The following TRDMT1 variants were observed in gnomAD, a reference collection of about 807,000 sequenced individuals.
The protein encoded by TRDMT1 is tRNA (cytosine(38)-C(5))-methyltransferase.
Under a neutral mutation model 51.2 loss-of-function variants are expected in TRDMT1, and 49 were observed. The ratio of observed to expected loss-of-function variants is 0.96; its 90% confidence interval spans 0.76 to 1.21. TRDMT1 has a LOEUF of 1.21. Ranked by LOEUF, TRDMT1 falls within the 50% of genes most tolerant of loss-of-function variation. TRDMT1 has a pLI of 0.00. For synonymous variants in TRDMT1, 187 were observed against 164.6 expected, an observed-to-expected ratio of 1.14 and a Z score of -1.04; for missense variants, 534 against 462.3, an observed-to-expected ratio of 1.16 and a Z score of -1.42.
intron 1 of TRDMT1, among the ~76,000 whole-genome samples, chr10:17,186,088 T>TAAATAAAG (rs568084756): frequency 6.7e-6 from 1 of 148,822 alleles, no homozygotes; most frequent in Admixed American, 6.7e-5. Context: ...AATAAATAAA[T>TAAATAAAG]ATGGTCAATG....
chr10:17,173,999 G>A (rs1364088858), intron 2 of TRDMT1, among the ~76,000 whole-genome samples: 4 of 152,030 alleles, frequency 2.6e-5, no homozygotes, highest in Admixed American at 1.3e-4. Flanking sequence ...TCATAACTTC[G>A]TGATCCACCT....
rs924719991 is a variant in TRDMT1, at chr10:17,159,678, C to T, written c.460-449G>A. Among the ~76,000 whole-genome samples the T allele has an allele frequency of 2.0e-5, 3 of 152,002 alleles. No homozygotes were observed. The East Asian group carries it at 5.8e-4, about 29-fold the overall frequency. On this transcript the variant is annotated intron_variant, in intron 6 of 10. Transcript: ENST00000377799. ...AATTTTAAGAGATCAAATATGTTGC[C>T]AATTTCCACAGCTTGTATCTTGAAT... is the stretch of plus-strand genomic sequence containing the variant.
intron 1 of TRDMT1, among the ~76,000 whole-genome samples, chr10:17,181,024 G>A (rs1011533529): frequency 1.3e-5 from 2 of 152,084 alleles, no homozygotes; most frequent in Non-Finnish European, 2.9e-5. Context: ...AAAATTATTT[G>A]CATATCCCAA....
intron 1 of TRDMT1, among the ~76,000 whole-genome samples, chr10:17,178,940 G>A (rs1481599480): frequency 3.3e-5 from 5 of 151,902 alleles, no homozygotes; most frequent in South Asian, 4.1e-4. Context: ...AAATTATCAC[G>A]TCCTTGACAC....
At chr10:17,178,850 GATT>G (rs1309992375) in intron 1 of TRDMT1, among the ~76,000 whole-genome samples, 1 of 152,112 alleles carries the variant, frequency 6.6e-6, no homozygotes, top group Non-Finnish European at 1.5e-5. Context: ...ACATACCTTA[GATT>G]ATTATTGTTA....
intron 10 of TRDMT1, chr10:17,150,996 T>TGTGTGTGTGC: frequency 1.0e-6 from 1 of 984,646 alleles, no homozygotes; most frequent in Non-Finnish European, 1.2e-6. Context: ...ATTATATCTA[T>TGTGTGTGTGC]GTGTGTGTGC....
chr10:17,150,920 T>C, intron 10 of TRDMT1: 1 of 985,368 alleles, frequency 1.0e-6, no homozygotes, highest in African/African-American at 1.7e-5. Context: ...AGATGATCTT[T>C]TGCAATATTA....
intron 1 of TRDMT1, among the ~76,000 whole-genome samples, chr10:17,180,346 G>C (rs999214417): frequency 1.3e-5 from 2 of 152,112 alleles, no homozygotes; most frequent in South Asian, 4.1e-4. Context: ...TTTGAGACCA[G>C]CCTGGCCAAC....
rs1837512393 is a variant in TRDMT1 at position 17,139,176 on chromosome 10, C to T, written c.*9864G>A. 2 of 985,342 alleles carry T rather than the reference C, an allele frequency of 2.0e-6. No individual in the cohort carries two copies. Among genetic ancestry groups the T allele is most frequent in the Non-Finnish European group, 2.4e-6 (2 of 829,908 alleles). The allele number at this position is 985,342 out of a possible 1,614,324, so 61.0% of individuals were successfully genotyped here. On this transcript the variant is annotated 3_prime_UTR_variant, in exon 11 of 11. Coordinates refer to ENST00000377799, the MANE Select transcript of TRDMT1 (RefSeq NM_004412.7). Reference sequence around the variant, plus strand: ...AAGCGGAGTTTACCATAGGTGAACCCTCCTGCCATCCTGTTCCAAATCAAC... The same window carrying T: ...AAGCGGAGTTTACCATAGGTGAACCTTCCTGCCATCCTGTTCCAAATCAAC...
chr10:17,162,123 T>C, intron 4 of TRDMT1, 43 bp downstream of exon 4: 1 of 1,529,404 alleles, frequency 6.5e-7, no homozygotes. Flanking sequence ...AGACCTGGAG[T>C]TTCAAATGAA....
Position 17,154,673 on chromosome 10 carries a change from GT to G in TRDMT1, c.945+3del. 1.9e-6 allele frequency: 3 copies of G among 1,592,248 alleles called. No homozygotes were observed. Among genetic ancestry groups the G allele is most frequent in the Non-Finnish European group, 2.6e-6 (3 of 1,171,052 alleles). ...GTGTTTTAGCTTTAAAACATGCATA[GT>G]ACCTGCACATCCTCTGCAGTCTGTA... is the stretch of plus-strand genomic sequence containing the variant. On this transcript the variant is annotated splice_donor_region_variant and intron_variant, in intron 9 of 10. Coordinates refer to ENST00000377799, the MANE Select transcript of TRDMT1 (RefSeq NM_004412.7).
At chr10:17,157,904 A>G (rs1053667055) in intron 7 of TRDMT1, 120 bp from the exon 8 acceptor site, 12 of 731,742 alleles carry the variant, frequency 1.6e-5, no homozygotes, top group Non-Finnish European at 2.6e-5. Flanking sequence ...TGCCATTAAA[A>G]GATAGAAATT....
At chr10:17,158,060 C>G (rs1368629527) in intron 7 of TRDMT1, among the ~76,000 whole-genome samples, 1 of 151,914 alleles carries the variant, frequency 6.6e-6, no homozygotes, top group Non-Finnish European at 1.5e-5. Context: ...AAAGTATATA[C>G]TGAATATAGA....
intron 1 of TRDMT1, among the ~76,000 whole-genome samples, chr10:17,177,713 A>AACACAC (rs372220525): frequency 0.056 from 8,277 of 147,046 alleles, 269 homozygotes; most frequent in Middle Eastern, 0.08. Flanking sequence ...ATAGACAAGA[A>AACACAC]ACACACACAC....
intron 10 of TRDMT1, chr10:17,151,996 A>G: frequency 7.7e-7 from 1 of 1,296,012 alleles, no homozygotes; most frequent in South Asian, 1.2e-5. Flanking sequence ...CAAAGTGACT[A>G]CTGCCCTTTG....
In TRDMT1 at chr10:17,148,145, CAG is replaced by C. The variant is rs1271057896; in HGVS notation, c.*893_*894del. On this transcript the variant is annotated 3_prime_UTR_variant, in exon 11 of 11. Coordinates refer to ENST00000377799, the MANE Select transcript of TRDMT1 (RefSeq NM_004412.7). ...CAAGAGGTCTGCTGAGGAAGAGAGACAGAGAAAGTTAAAAGTCATAAAAGTTC... is the reference window on the plus strand; with the variant it reads ...CAAGAGGTCTGCTGAGGAAGAGAGACAGAAAGTTAAAAGTCATAAAAGTTC... 1.0e-6 allele frequency: 1 copy of C among 985,098 alleles called. No individual in the cohort carries two copies. The highest frequency in any genetic ancestry group is 1.2e-6 in the Non-Finnish European group (1 of 829,924). 61.0% of individuals were successfully genotyped at this position (985,098 alleles called of 1,614,324 possible).
In TRDMT1 at chr10:17,172,571, C is replaced by A. The variant is rs1842164325; in HGVS notation, c.174+1980G>T. Among the ~76,000 whole-genome samples the A allele has an allele frequency of 2.0e-5, 3 of 152,032 alleles. No individual in the cohort carries two copies. The South Asian group carries it at 6.2e-4, about 32-fold the overall frequency. ...AAAACACTTTTTTACTCAAAAGCAC[C>A]AAGGTAATTTGTCCCTTTCCACATA... On this transcript the variant is annotated intron_variant, in intron 2 of 10. Coordinates refer to ENST00000377799, the MANE Select transcript of TRDMT1 (RefSeq NM_004412.7).
chr10:17,163,442 T>C (rs1030520730), intron 3 of TRDMT1, among the ~76,000 whole-genome samples: 8 of 152,092 alleles, frequency 5.3e-5, no homozygotes, highest in Non-Finnish European at 1.2e-4. Context: ...ATTTACACCC[T>C]AACATCACAA....
chr10:17,182,135 TC>T (rs750391412), intron 1 of TRDMT1, among the ~76,000 whole-genome samples: 176 of 152,308 alleles, frequency 1.2e-3, no homozygotes, highest in Non-Finnish European at 1.9e-3. Context: ...GCTTGATCTT[TC>T]TTACCACGTT....
Sources: gnomAD v4.1 joint callset for allele counts (sites outside exome capture counted in the v4.1 genomes callset) on GRCh38, gnomAD v4.1.1 for gene constraint, MANE v1.5 for transcripts, NCBI Gene and HGNC (gene_info 2026-07-23, HGNC 2026-07-21) for gene names.